Variants in DPY19L2 observed in about 807,000 individuals in gnomAD.
The protein encoded by DPY19L2 is dpy-19 like 2, also known as probable C-mannosyltransferase DPY19L2.
DPY19L2 carries 34 observed loss-of-function variants against 97.9 expected under a neutral mutation model. The observed-to-expected ratio is 0.35, with a 90% CI of 0.26 to 0.46. DPY19L2 has a LOEUF of 0.46. Among genes scored for constraint, DPY19L2 ranks in the 20% least tolerant of loss-of-function variants. The probability of loss-of-function intolerance (pLI) is 1.00; values close to 1 mark genes in which losing one functional copy is unlikely to be tolerated. For synonymous variants in DPY19L2, 230 were observed against 307.9 expected, an observed-to-expected ratio of 0.75 and a Z score of 2.65; for missense variants, 623 against 911.4, an observed-to-expected ratio of 0.68 and a Z score of 4.07.
At chr12:63,615,308 T>A (rs1242015137) in intron 11 of DPY19L2, among the ~76,000 whole-genome samples, 1 of 152,162 alleles carries the variant, frequency 6.6e-6, no homozygotes, top group African/African-American at 2.4e-5. Flanking sequence ...TTCTCCTAAA[T>A]GAACTTTAGA....
chr12:63,567,839 T>A (rs1348518800), intron 21 of DPY19L2, among the ~76,000 whole-genome samples: 1 of 152,112 alleles, frequency 6.6e-6, no homozygotes, highest in Non-Finnish European at 1.5e-5. Flanking sequence ...CAGTGTCTGA[T>A]AATTTCCACT....
intron 19 of DPY19L2, among the ~76,000 whole-genome samples, chr12:63,577,555 A>G (rs1880074712): frequency 6.6e-6 from 1 of 152,026 alleles, no homozygotes; most frequent in South Asian, 2.1e-4. Context: ...GGAATTAATA[A>G]CCAGAATATA....
rs537965508 is a variant in DPY19L2 at position 63,580,817 on chromosome 12, C to G, written c.1745G>C (p.Arg582Pro). The G allele has an allele frequency of 3.7e-6, 6 of 1,611,444 alleles. No individual in the cohort carries two copies. The highest frequency in any genetic ancestry group is 5.1e-6 in the Non-Finnish European group (6 of 1,179,072). ...GATAACCTTCTCAAAACGAACTCTGCGAAAAAGCCAGCCAAAGAGCTGAAA... is the reference window on the plus strand; with the variant it reads ...GATAACCTTCTCAAAACGAACTCTGGGAAAAAGCCAGCCAAAGAGCTGAAA... ...CSRQLFGWLF[R>P]RVRFEKVIFG... Residue 582 changes from arginine (R) to proline (P), a missense_variant, in exon 19 of 22, where the codon CGC (arginine) becomes CCC (proline). Physicochemically the swap from Arg to Pro is moderately radical, Grantham distance 103. Coordinates refer to ENST00000324472, the MANE Select transcript of DPY19L2 (RefSeq NM_173812.5).
At chr12:63,590,794 G>T (rs1882764472) in intron 16 of DPY19L2, among the ~76,000 whole-genome samples, 1 of 151,980 alleles carries the variant, frequency 6.6e-6, no homozygotes, top group Non-Finnish European at 1.5e-5. Context: ...TTTTCAGAAT[G>T]TATTACTACT....
At chr12:63,637,917 T>C (rs1892017097) in intron 6 of DPY19L2, among the ~76,000 whole-genome samples, 1 of 152,090 alleles carries the variant, frequency 6.6e-6, no homozygotes, top group African/African-American at 2.4e-5. Flanking sequence ...AAAGAGAATT[T>C]TAGACCAATA....
In DPY19L2 at chr12:63,559,339, C is replaced by T. The variant is rs3905824; in HGVS notation, c.*1173G>A. ...TATTTCAAGTGTAGAGGGGCAAGAA[C>T]ATAAGGGAATTATAAAAACCCCAAG... On this transcript the variant is annotated 3_prime_UTR_variant, in exon 22 of 22. Coordinates refer to ENST00000324472, the MANE Select transcript of DPY19L2 (RefSeq NM_173812.5). 6.6e-6 allele frequency: 1 copy of T among 152,190 alleles called. No homozygotes were observed. The highest frequency in any genetic ancestry group is 1.5e-5 in the Non-Finnish European group (1 of 68,006). The allele number at this position is 152,190 out of a possible 1,614,324, so 9.4% of individuals were successfully genotyped here.
At position 63,564,059 on chromosome 12, in the gene DPY19L2, A is replaced by C. The variant is rs531301103; in HGVS notation, c.2127-3397T>G. Among the ~76,000 whole-genome samples the C allele has an allele frequency of 4.9e-4, 74 of 152,248 alleles. 2 individuals are homozygous for C. The South Asian group carries it at 0.015, about 31-fold the overall frequency. ...AAGTTGTTCCCAAAACTCCCTCATT[A>C]TGCTTTTCATTTCTTCAGATCCTGT... is the stretch of plus-strand genomic sequence containing the variant. On this transcript the variant is annotated intron_variant, in intron 21 of 21. Transcript: ENST00000324472.
At chr12:63,632,403 C>G (rs1890854799) in intron 6 of DPY19L2, among the ~76,000 whole-genome samples, 1 of 152,108 alleles carries the variant, frequency 6.6e-6, no homozygotes, top group Non-Finnish European at 1.5e-5. Context: ...AAATCACAAC[C>G]ATTCCTATAC....
intron 15 of DPY19L2, among the ~76,000 whole-genome samples, chr12:63,594,464 A>AGAGTGTGTGTGTGTGTGGGT (rs1555189197): frequency 8.0e-6 from 1 of 124,932 alleles, no homozygotes. Context: ...AGAGAGAGAT[A>AGAGTGTGTGTGTGTGTGGGT]GTGTGTGTGT....
chr12:63,651,353 A>G (rs181453837), intron 4 of DPY19L2, among the ~76,000 whole-genome samples: 197 of 152,282 alleles, frequency 1.3e-3, no homozygotes, highest in African/African-American at 4.1e-3. Context: ...CAAAAATTTC[A>G]TGATGAAGAT....
intron 6 of DPY19L2, among the ~76,000 whole-genome samples, chr12:63,636,306 C>A (rs1325711674): frequency 1.3e-5 from 2 of 152,140 alleles, no homozygotes; most frequent in Non-Finnish European, 2.9e-5. Flanking sequence ...ACAACCGATA[C>A]CAGCCACTGC....
In DPY19L2 at chr12:63,559,583, A is replaced by T. The variant is rs960457998; in HGVS notation, c.*929T>A. ...CAAAACCAAAAATAAATGAGGGCTT[A>T]AAAATATATTATTTAAGAAGATAGT... On this transcript the variant is annotated 3_prime_UTR_variant, in exon 22 of 22. Transcript: ENST00000324472. 2 of 152,622 alleles carry T rather than the reference A, an allele frequency of 1.3e-5. No individual in the cohort carries two copies. Among genetic ancestry groups the T allele is most frequent in the African/African-American group, 4.8e-5 (2 of 41,460 alleles). 9.5% of individuals were successfully genotyped at this position (152,622 alleles called of 1,614,324 possible). A position where few individuals can be genotyped will look rare whatever the true frequency, so the allele number is the denominator to read the frequency against.
At chr12:63,638,551 C>G (rs2138056697) in intron 6 of DPY19L2, among the ~76,000 whole-genome samples, 1 of 152,202 alleles carries the variant, frequency 6.6e-6, no homozygotes, top group Non-Finnish European at 1.5e-5. Flanking sequence ...ACAACCATTC[C>G]TATACACCAC....
chr12:63,605,666 C>T (rs1452246213), intron 12 of DPY19L2, among the ~76,000 whole-genome samples: 1 of 152,122 alleles, frequency 6.6e-6, no homozygotes, highest in African/African-American at 2.4e-5. Context: ...GGAAAAATGG[C>T]TGATTCCAAG....
intron 2 of DPY19L2, among the ~76,000 whole-genome samples, chr12:63,664,330 C>G (rs906019307): frequency 1.4e-5 from 2 of 146,484 alleles, no homozygotes; most frequent in African/African-American, 4.9e-5. Context: ...GAGTGAGACT[C>G]TGTCTTAAAA....
At chr12:63,590,170 T>C (rs975422167) in intron 16 of DPY19L2, among the ~76,000 whole-genome samples, 1 of 151,802 alleles carries the variant, frequency 6.6e-6, no homozygotes, top group Non-Finnish European at 1.5e-5. Context: ...AAACAACTTT[T>C]AAAGGTCAAA....
At chr12:63,573,777 C>G (rs779131350) in intron 19 of DPY19L2, among the ~76,000 whole-genome samples, 1 of 152,022 alleles carries the variant, frequency 6.6e-6, no homozygotes, top group Non-Finnish European at 1.5e-5. Context: ...GAGAGCATGC[C>G]ATGACATATT....
chr12:63,604,429 A>G (rs2942667), intron 12 of DPY19L2, among the ~76,000 whole-genome samples: 1 of 152,138 alleles, frequency 6.6e-6, no homozygotes, highest in Admixed American at 6.5e-5. Context: ...TTCTTAAAAT[A>G]CTATTCAGCC....
At chr12:63,595,411 AT>A (rs1299189783) in intron 15 of DPY19L2, among the ~76,000 whole-genome samples, 8 of 152,184 alleles carry the variant, frequency 5.3e-5, no homozygotes, top group African/African-American at 1.9e-4. Flanking sequence ...TTTAAAGATT[AT>A]TTTTTTCATT....
Sources: allele counts gnomAD v4.1 joint callset (sites outside exome capture counted in the v4.1 genomes callset), GRCh38; gene constraint gnomAD v4.1.1; transcripts MANE v1.5; gene names NCBI Gene and HGNC (gene_info 2026-07-23, HGNC 2026-07-21).